SEPTIN14: variants seen among roughly 807,000 people sequenced by gnomAD.
SEPTIN14 encodes septin 14.
Under a neutral mutation model 53.6 loss-of-function variants are expected in SEPTIN14, and 40 were observed. That is an observed-to-expected ratio of 0.75 (90% CI 0.58 to 0.97). The LOEUF (loss-of-function observed/expected upper bound fraction) is 0.97. Ranked by LOEUF, SEPTIN14 falls within the 50% of genes least tolerant of loss-of-function variation. The pLI, the probability that SEPTIN14 is intolerant of heterozygous loss-of-function variation, is 0.00. For missense variants in SEPTIN14, 471 were observed against 508.2 expected (o/e 0.93, Z 0.70); for synonymous variants, 138 against 166.8 (o/e 0.83, Z 1.33).
intron 2 of SEPTIN14, among the ~76,000 whole-genome samples, chr7:55,847,202 T>C (rs1183952521): frequency 1.3e-5 from 2 of 152,014 alleles, no homozygotes; most frequent in Non-Finnish European, 2.9e-5. Flanking sequence ...AGTGAAACTC[T>C]GTCTCAAAAA....
chr7:55,810,230 A>T (rs1021753285), intron 7 of SEPTIN14, among the ~76,000 whole-genome samples: 1 of 149,638 alleles, frequency 6.7e-6, no homozygotes, highest in African/African-American at 2.5e-5. Flanking sequence ...TATTTTTTTC[A>T]TATTTCTTTT....
chr7:55,853,428 A>G (rs532297040), intron 2 of SEPTIN14, among the ~76,000 whole-genome samples: 1 of 152,354 alleles, frequency 6.6e-6, no homozygotes, highest in African/African-American at 2.4e-5. Context: ...CAAGTCATGG[A>G]AAGACAAACT....
intron 7 of SEPTIN14, among the ~76,000 whole-genome samples, chr7:55,818,297 C>T (rs1342635837): frequency 2.6e-5 from 4 of 151,772 alleles, no homozygotes; most frequent in Admixed American, 6.6e-5. Context: ...TATGGTGAAA[C>T]CCCATCTCTA....
At chr7:55,857,957 T>TAGAC (rs1165440915) in intron 2 of SEPTIN14, among the ~76,000 whole-genome samples, 1 of 152,072 alleles carries the variant, frequency 6.6e-6, no homozygotes, top group African/African-American at 2.4e-5. Context: ...TGAACTCAAC[T>TAGAC]AGACATTCAG....
At chr7:55,853,913 G>A (rs985921335) in intron 2 of SEPTIN14, among the ~76,000 whole-genome samples, 1 of 152,066 alleles carries the variant, frequency 6.6e-6, no homozygotes, top group African/African-American at 2.4e-5. Flanking sequence ...TCAGGAGTTC[G>A]AGACCAATCT....
At chr7:55,845,958 A>T (rs1486887626) in intron 3 of SEPTIN14, among the ~76,000 whole-genome samples, 2 of 149,174 alleles carry the variant, frequency 1.3e-5, no homozygotes, top group East Asian at 3.9e-4. Flanking sequence ...CTGAGGCAGG[A>T]GAATGGCATG....
At chr7:55,819,105 G>C in intron 7 of SEPTIN14, 22 bp downstream of exon 7, 1 of 1,361,004 alleles carries the variant, frequency 7.3e-7, no homozygotes, top group Middle Eastern at 1.8e-4. Context: ...TCATTCCAAA[G>C]CCTGCCCTCT....
At chr7:55,804,268 T>G (rs1161927880) in intron 9 of SEPTIN14, among the ~76,000 whole-genome samples, 6 of 138,048 alleles carry the variant, frequency 4.3e-5, no homozygotes, top group East Asian at 4.0e-4. Context: ...GTTTTTTTTG[T>G]TTTTTTTTTT....
chr7:55,795,749 T>G lies in SEPTIN14; in HGVS notation c.*164A>C. On this transcript the variant is annotated 3_prime_UTR_variant, in exon 10 of 10. Transcript: ENST00000388975. ...TCCCAAAGTGCTGGGATTACAGGCA[T>G]GAGCCACCACACCCCGCTAGGAGTT... is the stretch of plus-strand genomic sequence containing the variant. The G allele has an allele frequency of 1.6e-6, 1 of 619,576 alleles. No individual in the cohort carries two copies. 38.4% of individuals were successfully genotyped at this position (619,576 alleles called of 1,614,324 possible).
chr7:55,800,903 A>G (rs1788513069), intron 9 of SEPTIN14, among the ~76,000 whole-genome samples: 1 of 152,158 alleles, frequency 6.6e-6, no homozygotes, highest in Admixed American at 6.5e-5. Flanking sequence ...TGATGTGATT[A>G]TTACACATTG....
In SEPTIN14 at chr7:55,809,901, C is replaced by T. The variant is rs564042932; in HGVS notation, c.818-2643G>A. ...AGGCTGGAGTGCAGTGGCGCAATCT[C>T]GGCTCACTGCAAGCTCTGCCTCCTG... On this transcript the variant is annotated intron_variant, in intron 7 of 9. Coordinates refer to ENST00000388975, the MANE Select transcript of SEPTIN14 (RefSeq NM_207366.3). 6.8e-5 allele frequency among the ~76,000 whole-genome samples: 10 copies of T among 146,552 alleles called. No individual in the cohort carries two copies. In the South Asian group the frequency reaches 1.1e-3, roughly 16 times the overall value.
chr7:55,853,215 G>A (rs376843867), intron 2 of SEPTIN14, among the ~76,000 whole-genome samples: 1 of 152,096 alleles, frequency 6.6e-6, no homozygotes, highest in Non-Finnish European at 1.5e-5. Context: ...ACATTGAAGA[G>A]ATATCTACAC....
intron 2 of SEPTIN14, among the ~76,000 whole-genome samples, chr7:55,848,733 G>C (rs948887635): frequency 1.3e-5 from 2 of 149,632 alleles, no homozygotes; most frequent in Non-Finnish European, 3.0e-5. Context: ...TCAGCCTCCC[G>C]AGTAGCTGGG....
rs1043435370 is a variant in SEPTIN14 at position 55,833,150 on chromosome 7, T to C, written c.720+1275A>G. On this transcript the variant is annotated intron_variant, in intron 6 of 9. Coordinates refer to ENST00000388975, the MANE Select transcript of SEPTIN14 (RefSeq NM_207366.3). Reference sequence around the variant, plus strand: ...CTAACATGGTGAAACCCCATCCTACTAAAAATACAAACAAATTAGCCGGAT... The same window carrying C: ...CTAACATGGTGAAACCCCATCCTACCAAAAATACAAACAAATTAGCCGGAT... Among the ~76,000 whole-genome samples, 4 of 151,616 alleles carry C rather than the reference T, an allele frequency of 2.6e-5. No individual in the cohort carries two copies. In the East Asian group the frequency reaches 7.8e-4, roughly 30 times the overall value.
In SEPTIN14 at chr7:55,823,627, C is replaced by T. The variant is rs1031704242; in HGVS notation, c.721-4404G>A. 9.9e-5 allele frequency among the ~76,000 whole-genome samples: 15 copies of T among 152,144 alleles called. 1 individual carries two copies. Among genetic ancestry groups the T allele is most frequent in the Admixed American group, 9.2e-4 (14 of 15,276 alleles). ...TGGCAGGTAGCGCGCCCAAGCAAGG[C>T]CCAGGTGGGGGTGTCACTGGCTGGA... On this transcript the variant is annotated intron_variant, in intron 6 of 9. Transcript: ENST00000388975.
intron 2 of SEPTIN14, among the ~76,000 whole-genome samples, chr7:55,853,994 G>A (rs964382808): frequency 6.6e-6 from 1 of 152,022 alleles, no homozygotes; most frequent in African/African-American, 2.4e-5. Flanking sequence ...GGTGGTACAT[G>A]CTCGTCGTCC....
intron 2 of SEPTIN14, among the ~76,000 whole-genome samples, chr7:55,848,826 C>T (rs1283648436): frequency 6.6e-6 from 1 of 151,086 alleles, no homozygotes; most frequent in Admixed American, 6.6e-5. Flanking sequence ...CCAGGATGGT[C>T]TCGATCTCCT....
At chr7:55,817,560 C>T (rs1343098419) in intron 7 of SEPTIN14, among the ~76,000 whole-genome samples, 1 of 151,500 alleles carries the variant, frequency 6.6e-6, no homozygotes, top group African/African-American at 2.4e-5. Context: ...AGCTCCACCT[C>T]CCGGGTTCAC....
At chr7:55,835,472 G>A (rs1789189847) in intron 5 of SEPTIN14, among the ~76,000 whole-genome samples, 1 of 152,128 alleles carries the variant, frequency 6.6e-6, no homozygotes, top group South Asian at 2.1e-4. Flanking sequence ...AAAGTGCTGG[G>A]ATTACAGGCC....
Sources: gnomAD v4.1 joint callset for allele counts (sites outside exome capture counted in the v4.1 genomes callset) on GRCh38, gnomAD v4.1.1 for gene constraint, MANE v1.5 for transcripts, NCBI Gene and HGNC (gene_info 2026-07-23, HGNC 2026-07-21) for gene names.